LINGO2: variants seen among roughly 807,000 people sequenced by gnomAD.
The protein encoded by LINGO2 is leucine-rich repeat and immunoglobulin-like domain-containing nogo receptor-interacting protein 2.
In LINGO2, 14 loss-of-function variants were observed where a neutral mutation model predicts 30.6. The observed-to-expected ratio is 0.46, with a 90% CI of 0.30 to 0.72. The LOEUF (loss-of-function observed/expected upper bound fraction) is 0.72. Ranked by LOEUF, LINGO2 falls within the 30% of genes least tolerant of loss-of-function variation. The pLI is 0.07. For missense variants in LINGO2, 729 were observed against 751.7 expected (o/e 0.97, Z 0.35); for synonymous variants, 317 against 288.5 (o/e 1.10, Z -1.00).
the LINGO2 span, among the ~76,000 whole-genome samples, chr9:28,834,626 T>G: frequency 6.6e-6 from 1 of 152,136 alleles, no homozygotes; most frequent in Non-Finnish European, 1.5e-5. Flanking sequence ...CTTTCAAAAT[T>G]TATATAATTT....
chr9:28,972,644 T>C, the LINGO2 span, among the ~76,000 whole-genome samples: 1 of 152,170 alleles, frequency 6.6e-6, no homozygotes, highest in South Asian at 2.1e-4. Context: ...GTTCTCATGC[T>C]GCTAATAATG....
chr9:29,066,451 G>T, the LINGO2 span, among the ~76,000 whole-genome samples: 1 of 151,942 alleles, frequency 6.6e-6, no homozygotes, highest in Non-Finnish European at 1.5e-5. Flanking sequence ...TTATATAAAG[G>T]TTACTGTAAG....
intron 5 of LINGO2, among the ~76,000 whole-genome samples, chr9:27,964,083 C>G (rs1445851996): frequency 1.3e-5 from 2 of 151,956 alleles, no homozygotes; most frequent in Non-Finnish European, 1.5e-5. Flanking sequence ...TCTAATTATC[C>G]TCCAAACCAT....
the LINGO2 span, among the ~76,000 whole-genome samples, chr9:29,080,690 T>G: frequency 7.9e-5 from 12 of 152,152 alleles, no homozygotes; most frequent in African/African-American, 2.2e-4. Flanking sequence ...TCTGCCTTCA[T>G]TTCGTTATGT....
At chr9:28,292,936 A>T (rs938132465) in intron 4 of LINGO2, among the ~76,000 whole-genome samples, 1 of 151,006 alleles carries the variant, frequency 6.6e-6, no homozygotes, top group Non-Finnish European at 1.5e-5. Context: ...ACGCTTGGAT[A>T]ACTTTTTTTG....
At chr9:28,738,883 A>C in the LINGO2 span, among the ~76,000 whole-genome samples, 3 of 152,064 alleles carry the variant, frequency 2.0e-5, no homozygotes, top group Non-Finnish European at 4.4e-5. Flanking sequence ...TAAAAAAATT[A>C]GTTAATTAAA....
At chr9:28,790,287 T>C in the LINGO2 span, among the ~76,000 whole-genome samples, 1 of 151,540 alleles carries the variant, frequency 6.6e-6, no homozygotes, top group African/African-American at 2.4e-5. Context: ...GCCTACATCA[T>C]TCACCTCATT....
At chr9:28,714,164 A>AATATATATATATATATAT in the LINGO2 span, among the ~76,000 whole-genome samples, 102 of 117,136 alleles carry the variant, frequency 8.7e-4, no homozygotes, top group African/African-American at 2.0e-3. Flanking sequence ...TGCCTCAAAT[A>AATATATATATATATATAT]ATATATATAT....
chr9:29,089,345 T>C, the LINGO2 span, among the ~76,000 whole-genome samples: 4 of 151,872 alleles, frequency 2.6e-5, no homozygotes, highest in African/African-American at 9.7e-5. Flanking sequence ...TGAACAATCA[T>C]AGCAATTCAA....
At chr9:28,044,844 A>C (rs1211415511) in intron 4 of LINGO2, among the ~76,000 whole-genome samples, 1 of 152,172 alleles carries the variant, frequency 6.6e-6, no homozygotes, top group African/African-American at 2.4e-5. Flanking sequence ...GAAAGCTGAA[A>C]GTGCAGGGGT....
At chr9:29,092,665 T>C in the LINGO2 span, among the ~76,000 whole-genome samples, 6 of 139,132 alleles carry the variant, frequency 4.3e-5, no homozygotes, top group Admixed American at 3.7e-4. Flanking sequence ...TTTGTGACTC[T>C]AGAATTTTCT....
At chr9:28,169,138 G>A (rs1374045926) in intron 4 of LINGO2, among the ~76,000 whole-genome samples, 1 of 152,102 alleles carries the variant, frequency 6.6e-6, no homozygotes, top group Non-Finnish European at 1.5e-5. Context: ...AATGTTAAAA[G>A]GTGTGGAGAC....
intron 2 of LINGO2, among the ~76,000 whole-genome samples, chr9:28,425,330 TA>T (rs1823363170): frequency 2.2e-5 from 1 of 45,316 alleles, no homozygotes; most frequent in African/African-American, 7.8e-5. Flanking sequence ...TGTGTGTGTG[TA>T]TATATATATA....
the LINGO2 span, among the ~76,000 whole-genome samples, chr9:28,714,196 T>TATATATATATATATATAC: frequency 7.4e-6 from 1 of 135,852 alleles, no homozygotes; most frequent in Non-Finnish European, 1.6e-5. Context: ...TATACACACA[T>TATATATATATATATATAC]ACACACACAC....
chr9:28,054,206 G>A (rs1227142820), intron 4 of LINGO2, among the ~76,000 whole-genome samples: 1 of 152,064 alleles, frequency 6.6e-6, no homozygotes, highest in East Asian at 1.9e-4. Context: ...TTAATGACAA[G>A]AAATAGTGCC....
the LINGO2 span, among the ~76,000 whole-genome samples, chr9:28,998,999 C>T: frequency 2.6e-5 from 4 of 152,044 alleles, no homozygotes; most frequent in Non-Finnish European, 4.4e-5. Flanking sequence ...TCAAGCAAAC[C>T]ATGAGTCAGG....
chr9:28,824,754 C>A, the LINGO2 span, among the ~76,000 whole-genome samples: 1 of 152,072 alleles, frequency 6.6e-6, no homozygotes, highest in Non-Finnish European at 1.5e-5. Flanking sequence ...CATCACAAGA[C>A]CCAGTATGAA....
chr9:28,666,214 A>G (rs1828796114), intron 1 of LINGO2, among the ~76,000 whole-genome samples: 1 of 151,984 alleles, frequency 6.6e-6, no homozygotes, highest in African/African-American at 2.4e-5. Flanking sequence ...TTAAGAATGT[A>G]TTCATGGGTT....
intron 2 of LINGO2, among the ~76,000 whole-genome samples, chr9:28,387,089 A>T (rs1821612165): frequency 1.3e-5 from 2 of 152,152 alleles, no homozygotes. Flanking sequence ...GTCTAGCTAA[A>T]GGTTTGTAAA....
Sources: allele counts gnomAD v4.1 joint callset (sites outside exome capture counted in the v4.1 genomes callset), GRCh38; gene constraint gnomAD v4.1.1; transcripts MANE v1.5; gene names NCBI Gene and HGNC (gene_info 2026-07-23, HGNC 2026-07-21).